SPIDR: variants seen among roughly 807,000 people sequenced by gnomAD.
The protein encoded by SPIDR is scaffold protein involved in DNA repair, also known as DNA repair-scaffolding protein.
SPIDR carries 93 observed loss-of-function variants against 104.6 expected under a neutral mutation model. The observed-to-expected ratio is 0.89, with a 90% confidence interval of 0.75 to 1.06. The LOEUF (loss-of-function observed/expected upper bound fraction) is 1.06. SPIDR is among the 50% of genes least tolerant of loss of function. SPIDR has a pLI of 0.00. For missense variants in SPIDR, 1,154 were observed against 1,111.2 expected (o/e 1.04, Z -0.55); for synonymous variants, 431 against 416.9 (o/e 1.03, Z -0.41).
Position 47,275,881 on chromosome 8 carries a change from G to A in SPIDR, c.34-3981G>A, listed in dbSNP as rs1047103695. ...TTTTTTGTTGGTTTGTTTGAGACTGGAACTTATTTCTGTTGCCCCAGCTGG... is the reference window on the plus strand; with the variant it reads ...TTTTTTGTTGGTTTGTTTGAGACTGAAACTTATTTCTGTTGCCCCAGCTGG... On this transcript the variant is annotated intron_variant, in intron 1 of 19. Coordinates refer to ENST00000297423, the MANE Select transcript of SPIDR (RefSeq NM_001080394.4). 7.9e-5 allele frequency among the ~76,000 whole-genome samples: 12 copies of A among 152,092 alleles called. No homozygotes were observed. In the East Asian group the frequency reaches 2.3e-3, roughly 29 times the overall value.
chr8:47,517,939 A>T (rs963835663), intron 8 of SPIDR, among the ~76,000 whole-genome samples: 2 of 152,220 alleles, frequency 1.3e-5, no homozygotes, highest in East Asian at 3.8e-4. Flanking sequence ...CCTATACATC[A>T]TAAGAGTTCT....
intron 5 of SPIDR, among the ~76,000 whole-genome samples, chr8:47,394,329 A>C (rs1325740581): frequency 1.3e-5 from 2 of 152,132 alleles, no homozygotes; most frequent in African/African-American, 4.8e-5. Context: ...TTTCATAACT[A>C]TCTGGGTCTG....
chr8:47,647,438 A>G (rs1329738132), intron 10 of SPIDR, among the ~76,000 whole-genome samples: 1 of 152,114 alleles, frequency 6.6e-6, no homozygotes, highest in Non-Finnish European at 1.5e-5. Context: ...AGCATGGTGA[A>G]AACCTATCTC....
intron 10 of SPIDR, among the ~76,000 whole-genome samples, chr8:47,658,031 A>G (rs1341651363): frequency 4.8e-5 from 1 of 20,964 alleles, no homozygotes; most frequent in African/African-American, 1.6e-4. Context: ...CCCTGTCTCA[A>G]AAAAAAAAAA....
chr8:47,539,612 T>C (rs1277311263), intron 8 of SPIDR, among the ~76,000 whole-genome samples: 4 of 152,176 alleles, frequency 2.6e-5, no homozygotes, highest in African/African-American at 9.7e-5. Flanking sequence ...TTGACTGTTA[T>C]TCTGGTGTTT....
chr8:47,359,177 C>T (rs1013915373), intron 5 of SPIDR, among the ~76,000 whole-genome samples: 9 of 147,756 alleles, frequency 6.1e-5, no homozygotes, highest in African/African-American at 2.0e-4. Flanking sequence ...ACCCGGGAAG[C>T]GGAGCTTGCA....
At chr8:47,706,417 G>A (rs2081094767) in intron 14 of SPIDR, among the ~76,000 whole-genome samples, 1 of 152,026 alleles carries the variant, frequency 6.6e-6, no homozygotes, top group Admixed American at 6.6e-5. Flanking sequence ...CAAAAAACAA[G>A]AAACTGACAC....
intron 8 of SPIDR, chr8:47,592,640 A>G: frequency 9.5e-7 from 1 of 1,049,666 alleles, no homozygotes; most frequent in Non-Finnish European, 1.4e-6. Context: ...CCTCTGGTCT[A>G]GTCTCCGGCT....
At chr8:47,591,039 T>G (rs975234745) in intron 8 of SPIDR, among the ~76,000 whole-genome samples, 6 of 152,184 alleles carry the variant, frequency 3.9e-5, no homozygotes, top group African/African-American at 1.4e-4. Flanking sequence ...ATGTCTGTAT[T>G]TGAAGTGAGT....
At chr8:47,354,188 A>C (rs1436990188) in intron 5 of SPIDR, among the ~76,000 whole-genome samples, 1 of 152,166 alleles carries the variant, frequency 6.6e-6, no homozygotes, top group Admixed American at 6.5e-5. Context: ...TCTCAATCAT[A>C]TATGTGAATT....
At chr8:47,429,991 A>G (rs566940480) in intron 7 of SPIDR, among the ~76,000 whole-genome samples, 2 of 151,994 alleles carry the variant, frequency 1.3e-5, no homozygotes, top group South Asian at 2.1e-4. Flanking sequence ...TAAATTTGGT[A>G]TTGCTGTTTT....
rs190102849 is a variant in SPIDR, at chr8:47,668,648, C to A, written c.1545-5153C>A. ...AAGGATGCCCAGTCACTGGCTTCTC[C>A]AGCATTGCCCTGAAGGTCCTAAAAG... On this transcript the variant is annotated intron_variant, in intron 10 of 19. Coordinates refer to ENST00000297423, the MANE Select transcript of SPIDR (RefSeq NM_001080394.4). Among the ~76,000 whole-genome samples, 244 of 152,212 alleles carry A rather than the reference C, an allele frequency of 1.6e-3. 1 individual carries two copies. Among genetic ancestry groups the A allele is most frequent in the Non-Finnish European group, 1.1e-3 (78 of 68,014 alleles).
At chr8:47,380,843 G>C (rs1351303124) in intron 5 of SPIDR, among the ~76,000 whole-genome samples, 1 of 152,132 alleles carries the variant, frequency 6.6e-6, no homozygotes, top group Non-Finnish European at 1.5e-5. Context: ...CCTCTCACTA[G>C]CTGGCTGATT....
At chr8:47,289,734 A>G (rs2039555032) in intron 3 of SPIDR, among the ~76,000 whole-genome samples, 1 of 152,228 alleles carries the variant, frequency 6.6e-6, no homozygotes, top group Non-Finnish European at 1.5e-5. Context: ...CAATTACCAT[A>G]TAACCCAGCA....
intron 10 of SPIDR, among the ~76,000 whole-genome samples, chr8:47,622,816 T>G (rs1406302452): frequency 6.6e-6 from 1 of 152,182 alleles, no homozygotes; most frequent in African/African-American, 2.4e-5. Flanking sequence ...ATTAAAAGGC[T>G]AGGTTAGGTC....
At chr8:47,360,691 A>G in intron 5 of SPIDR, 1 of 226,968 alleles carries the variant, frequency 4.4e-6, no homozygotes, top group Non-Finnish European at 7.3e-6. Context: ...TTGTCCAGAT[A>G]AGTATGTGAA....
At chr8:47,567,787 T>C (rs1179322092) in intron 8 of SPIDR, among the ~76,000 whole-genome samples, 31 of 135,994 alleles carry the variant, frequency 2.3e-4, no homozygotes, top group Middle Eastern at 3.3e-3. Flanking sequence ...TTTCTTTTTT[T>C]TTTTTTTTTT....
chr8:47,357,357 C>G (rs2054758139), intron 5 of SPIDR, among the ~76,000 whole-genome samples: 1 of 152,178 alleles, frequency 6.6e-6, no homozygotes. Flanking sequence ...CCTGTCAGAA[C>G]TCGCTCTGCT....
At chr8:47,697,015 A>G (rs538607344) in intron 11 of SPIDR, among the ~76,000 whole-genome samples, 2 of 152,156 alleles carry the variant, frequency 1.3e-5, no homozygotes, top group East Asian at 3.8e-4. Flanking sequence ...AGTACAGCCC[A>G]GTCTCAGTCT....
Sources: allele counts gnomAD v4.1 joint callset (sites outside exome capture counted in the v4.1 genomes callset), GRCh38; gene constraint gnomAD v4.1.1; transcripts MANE v1.5; gene names NCBI Gene and HGNC (gene_info 2026-07-23, HGNC 2026-07-21).